RSRC1: variants seen among roughly 807,000 people sequenced by gnomAD.
The protein encoded by RSRC1 is arginine and serine rich coiled-coil 1, also known as serine/Arginine-related protein 53.
RSRC1 carries 39 observed loss-of-function variants against 49.1 expected under a neutral mutation model. The observed-to-expected ratio is 0.79, with a 90% CI of 0.61 to 1.04. The LOEUF (loss-of-function observed/expected upper bound fraction) is 1.04, where lower values mean the gene tolerates loss of function less well. Ranked by LOEUF, RSRC1 falls within the 50% of genes least tolerant of loss-of-function variation. The pLI, the probability that RSRC1 is intolerant of heterozygous loss-of-function variation, is 0.00. For synonymous variants in RSRC1, 143 were observed against 130.8 expected (o/e 1.09, Z -0.63); for missense variants, 388 against 402.4 (o/e 0.96, Z 0.31).
At chr3:158,524,303 G>C (rs1237110458) in intron 7 of RSRC1, among the ~76,000 whole-genome samples, 1 of 152,038 alleles carries the variant, frequency 6.6e-6, no homozygotes, top group Non-Finnish European at 1.5e-5. Context: ...GCACAATTAA[G>C]ATGAATTTTT....
chr3:158,154,665 A>T (rs1043400906), intron 3 of RSRC1, among the ~76,000 whole-genome samples: 6 of 151,878 alleles, frequency 4.0e-5, no homozygotes, highest in Non-Finnish European at 7.4e-5. Flanking sequence ...GGTTTTCACC[A>T]TGTTGGCCAG....
At chr3:158,301,426 C>T (rs1246196430) in intron 5 of RSRC1, among the ~76,000 whole-genome samples, 3 of 152,178 alleles carry the variant, frequency 2.0e-5, no homozygotes, top group African/African-American at 7.2e-5. Context: ...AGTAAGGACT[C>T]ATGATTTTAA....
intron 6 of RSRC1, among the ~76,000 whole-genome samples, chr3:158,422,792 A>C (rs1057370674): frequency 1.9e-4 from 29 of 148,872 alleles, no homozygotes; most frequent in African/African-American, 6.5e-4. Flanking sequence ...ATGGTATCTC[A>C]TTGTGGTTTT....
intron 5 of RSRC1, among the ~76,000 whole-genome samples, chr3:158,354,373 G>A (rs150091517): frequency 5.3e-5 from 8 of 152,260 alleles, no homozygotes; most frequent in East Asian, 1.9e-4. Flanking sequence ...CATAGGAGCC[G>A]GAAGCATATA....
intron 6 of RSRC1, among the ~76,000 whole-genome samples, chr3:158,379,920 T>C (rs1032137988): frequency 6.6e-6 from 1 of 151,976 alleles, no homozygotes; most frequent in African/African-American, 2.4e-5. Context: ...TTTTTTTCAA[T>C]ATCTGTCTCT....
intron 6 of RSRC1, among the ~76,000 whole-genome samples, chr3:158,455,966 C>A (rs1737286082): frequency 2.2e-5 from 2 of 92,398 alleles, no homozygotes; most frequent in African/African-American, 3.8e-5. Context: ...GGGGACAGAG[C>A]AAGACTCCAT....
At chr3:158,287,829 C>T (rs1726664951) in intron 4 of RSRC1, among the ~76,000 whole-genome samples, 1 of 152,066 alleles carries the variant, frequency 6.6e-6, no homozygotes, top group South Asian at 2.1e-4. Flanking sequence ...TTTCAGGTGA[C>T]TTTTATTTTT....
At chr3:158,512,329 A>C (rs1337586788) in intron 7 of RSRC1, among the ~76,000 whole-genome samples, 2 of 143,202 alleles carry the variant, frequency 1.4e-5, no homozygotes, top group East Asian at 2.0e-4. Flanking sequence ...AGCTTTCTAC[A>C]TATGGCTAGC....
intron 6 of RSRC1, among the ~76,000 whole-genome samples, chr3:158,365,437 T>C (rs1239465830): frequency 6.6e-6 from 1 of 152,174 alleles, no homozygotes; most frequent in African/African-American, 2.4e-5. Flanking sequence ...CTGAGAATGA[T>C]GGTTTCCAGC....
At chr3:158,155,402 G>A (rs1240855079) in intron 3 of RSRC1, among the ~76,000 whole-genome samples, 4 of 151,758 alleles carry the variant, frequency 2.6e-5, no homozygotes, top group Non-Finnish European at 5.9e-5. Context: ...AGAGCTCTTG[G>A]GTGACTAGAT....
At chr3:158,374,585 C>T (rs556610074) in intron 6 of RSRC1, among the ~76,000 whole-genome samples, 70 of 152,204 alleles carry the variant, frequency 4.6e-4, no homozygotes, top group African/African-American at 1.6e-3. Context: ...ACAAAAACTT[C>T]CAGAATAGCT....
chr3:158,320,407 T>C (rs957722073), intron 5 of RSRC1, among the ~76,000 whole-genome samples: 7 of 152,340 alleles, frequency 4.6e-5, no homozygotes, highest in Non-Finnish European at 8.8e-5. Flanking sequence ...GTTTGTTATA[T>C]GTAATTTGAC....
At chr3:158,472,017 A>T (rs992034078) in intron 7 of RSRC1, among the ~76,000 whole-genome samples, 1 of 152,156 alleles carries the variant, frequency 6.6e-6, no homozygotes, top group African/African-American at 2.4e-5. Flanking sequence ...ATTATTTAAA[A>T]AGCACTAAAA....
rs542250631 is a variant in RSRC1 at position 158,442,780 on chromosome 3, T to C, written c.584-18155T>C. Among the ~76,000 whole-genome samples, 13 of 152,192 alleles carry C rather than the reference T, an allele frequency of 8.5e-5. No homozygotes were observed. In the South Asian group the frequency reaches 2.5e-3, roughly 29 times the overall value. ...CTTATTGTTTAAGAAATACATTTTA[T>C]AGGGCTATAGCTGCCATAGCCCTAG... On this transcript the variant is annotated intron_variant, in intron 6 of 9. Coordinates refer to ENST00000611884, the MANE Select transcript of RSRC1 (RefSeq NM_001271838.2).
At chr3:158,543,246 G>A in intron 8 of RSRC1, 89 bp from the exon 9 acceptor site, 1 of 1,196,346 alleles carries the variant, frequency 8.4e-7, no homozygotes, top group Non-Finnish European at 1.1e-6. Flanking sequence ...GAGACTAATT[G>A]AACAGTTGTT....
At chr3:158,391,337 C>A (rs1733277526) in intron 6 of RSRC1, among the ~76,000 whole-genome samples, 2 of 152,120 alleles carry the variant, frequency 1.3e-5, no homozygotes, top group Admixed American at 1.3e-4. Context: ...TTTCTTACCA[C>A]AATCTGGCCT....
chr3:158,118,413 CTGTGTGTGTGTGTGTGTG>C (rs57257889), intron 1 of RSRC1, among the ~76,000 whole-genome samples: 1,628 of 90,130 alleles, frequency 0.018, 19 homozygotes, highest in South Asian at 0.049. Flanking sequence ...ACCTGGCCTT[CTGTGTGTGTGTGTGTGTG>C]TGTGTGTGTG....
At chr3:158,206,990 TA>T (rs1164994782) in intron 4 of RSRC1, among the ~76,000 whole-genome samples, 1 of 152,214 alleles carries the variant, frequency 6.6e-6, no homozygotes, top group African/African-American at 2.4e-5. Context: ...ATTTGACATA[TA>T]TTATCTCATT....
intron 4 of RSRC1, among the ~76,000 whole-genome samples, chr3:158,259,123 C>T (rs757957917): frequency 3.9e-5 from 6 of 152,168 alleles, no homozygotes; most frequent in South Asian, 2.1e-4. Flanking sequence ...GCGTGTTCAT[C>T]GGTGTCTGGG....
Sources: gnomAD v4.1 joint callset for allele counts (sites outside exome capture counted in the v4.1 genomes callset) on GRCh38, gnomAD v4.1.1 for gene constraint, MANE v1.5 for transcripts, NCBI Gene and HGNC (gene_info 2026-07-23, HGNC 2026-07-21) for gene names.